RTN4RL1: variants seen among roughly 807,000 people sequenced by gnomAD.
RTN4RL1 encodes reticulon-4 receptor-like 1.
Under a neutral mutation model 25.6 loss-of-function variants are expected in RTN4RL1, and 7 were observed. The ratio of observed to expected loss-of-function variants is 0.27; its 90% CI spans 0.16 to 0.51. The LOEUF is 0.51. RTN4RL1 is among the 20% of genes least tolerant of loss of function. The pLI, the probability that RTN4RL1 is intolerant of heterozygous loss-of-function variation, is 0.97. For synonymous variants in RTN4RL1, 297 were observed against 288.2 expected (o/e 1.03, Z -0.31); for missense variants, 500 against 615.6 (o/e 0.81, Z 1.99).
At chr17:1,995,837 G>C (rs1258360164) in intron 1 of RTN4RL1, 4 of 152,280 alleles carry the variant, frequency 2.6e-5, no homozygotes, top group African/African-American at 9.6e-5. Context: ...CTCAAGCACG[G>C]AACAAGGCAT....
chr17:1,953,574 AT>A (rs201200529), intron 1 of RTN4RL1, among the ~76,000 whole-genome samples: 1,335 of 101,518 alleles, frequency 0.013, 69 homozygotes, highest in Admixed American at 0.096. Context: ...TAAAAAAAAA[AT>A]TTTTTTTTGA....
intron 1 of RTN4RL1, chr17:2,020,100 A>G (rs2067181524): frequency 6.6e-6 from 1 of 152,144 alleles, no homozygotes; most frequent in South Asian, 2.1e-4. Context: ...GCTCCTAAGG[A>G]GAGAAGCTGT....
intron 1 of RTN4RL1, among the ~76,000 whole-genome samples, chr17:2,021,697 G>A (rs1182274805): frequency 1.3e-5 from 2 of 151,642 alleles, no homozygotes; most frequent in Non-Finnish European, 2.9e-5. Flanking sequence ...TGGGATTACA[G>A]GCATGAACCA....
chr17:1,937,128 T>C lies in RTN4RL1; in HGVS notation c.694A>G (p.Ser232Gly), dbSNP rs1463694782. The C allele has an allele frequency of 6.2e-7, 1 of 1,610,932 alleles. No homozygotes were observed. Among genetic ancestry groups the C allele is most frequent in the Non-Finnish European group, 8.5e-7 (1 of 1,179,090 alleles). Residue 232 changes from serine to glycine, a missense_variant, in exon 2 of 2, where the codon AGC (serine) becomes GGC (glycine). This residue lies in a region of RTN4RL1 where 232 missense variants were observed against 341.1 expected (regional missense o/e 0.68). Transcript: ENST00000331238. The part of the protein sequence containing the change: ...RLTTLFLFNN[S>G]LSELQGECLA... ...CACTCACCCTGCAGCTCCGAGAGGCTGTTGTTGAAGAGGAAGAGGGTGGTC... is the reference window on the plus strand; with the variant it reads ...CACTCACCCTGCAGCTCCGAGAGGCCGTTGTTGAAGAGGAAGAGGGTGGTC...
intron 1 of RTN4RL1, among the ~76,000 whole-genome samples, chr17:1,983,392 C>T (rs1413255331): frequency 1.3e-5 from 2 of 152,126 alleles, no homozygotes; most frequent in Admixed American, 6.6e-5. Context: ...ATGACACCAG[C>T]GGGGGCCAAT....
At chr17:1,959,355 T>C (rs183763535) in intron 1 of RTN4RL1, among the ~76,000 whole-genome samples, 4 of 152,326 alleles carry the variant, frequency 2.6e-5, no homozygotes, top group Non-Finnish European at 4.4e-5. Flanking sequence ...CTGGACACAG[T>C]TGGCCCTCCC....
In RTN4RL1 at chr17:2,002,447, C is replaced by T. The variant is rs559054634; in HGVS notation, c.13+22406G>A. 0.01 allele frequency among the ~76,000 whole-genome samples: 1,558 copies of T among 149,724 alleles called. 61 individuals carry two copies. The East Asian group carries it at 0.12, about 11-fold the overall frequency. On this transcript the variant is annotated intron_variant, in intron 1 of 1. Coordinates refer to ENST00000331238, the MANE Select transcript of RTN4RL1 (RefSeq NM_178568.4). Reference sequence around the variant, plus strand: ...AGCTGGGACTACAGGCGCCCGCCACCTCGCCTGGCTAATTTTTTGTATTTT... The same window carrying T: ...AGCTGGGACTACAGGCGCCCGCCACTTCGCCTGGCTAATTTTTTGTATTTT...
chr17:1,949,317 C>G (rs1232071045), intron 1 of RTN4RL1, among the ~76,000 whole-genome samples: 4 of 149,990 alleles, frequency 2.7e-5, no homozygotes, highest in Non-Finnish European at 5.9e-5. Flanking sequence ...GGCTGGTCTC[C>G]AACTCCTGAC....
At chr17:1,999,227 C>G (rs1414187254) in intron 1 of RTN4RL1, among the ~76,000 whole-genome samples, 3 of 151,574 alleles carry the variant, frequency 2.0e-5, no homozygotes. Flanking sequence ...GCGGGCGGAT[C>G]ACGAGATCAA....
intron 1 of RTN4RL1, among the ~76,000 whole-genome samples, chr17:1,948,941 T>C (rs1298605364): frequency 2.0e-5 from 3 of 151,266 alleles, no homozygotes; most frequent in African/African-American, 7.3e-5. Flanking sequence ...TACAGGCACC[T>C]GCCACCACGC....
intron 1 of RTN4RL1, among the ~76,000 whole-genome samples, chr17:1,968,792 AAG>A (rs2066804760): frequency 6.6e-6 from 1 of 152,236 alleles, no homozygotes; most frequent in Non-Finnish European, 1.5e-5. Flanking sequence ...GGCACAGGCT[AAG>A]GGGATTGTCC....
chr17:1,936,097 CCTG>C lies in RTN4RL1; in HGVS notation c.*396_*398del, dbSNP rs1915297288. On this transcript the variant is annotated 3_prime_UTR_variant, in exon 2 of 2. Coordinates refer to ENST00000331238, the MANE Select transcript of RTN4RL1 (RefSeq NM_178568.4). Reference sequence around the variant, plus strand: ...GAGCCTCATTTGTTCTTCTCTGCGTCCTGCTTTCTCCAGGAACCACGGGGCCCT... The same window carrying C: ...GAGCCTCATTTGTTCTTCTCTGCGTCCTTTCTCCAGGAACCACGGGGCCCT... 3 of 1,017,816 alleles carry C rather than the reference CCTG, an allele frequency of 2.9e-6. No homozygotes were observed. The highest frequency in any genetic ancestry group is 3.5e-6 in the Non-Finnish European group (3 of 850,928). The allele number at this position is 1,017,816 out of a possible 1,614,324, so 63.0% of individuals were successfully genotyped here.
intron 1 of RTN4RL1, among the ~76,000 whole-genome samples, chr17:1,945,791 T>C (rs1313858242): frequency 6.6e-6 from 1 of 152,230 alleles, no homozygotes; most frequent in Non-Finnish European, 1.5e-5. Flanking sequence ...TGCTGTGTTC[T>C]CCGCAGTACC....
chr17:1,943,339 T>C (rs993737073), intron 1 of RTN4RL1, among the ~76,000 whole-genome samples: 1 of 152,232 alleles, frequency 6.6e-6, no homozygotes, highest in Non-Finnish European at 1.5e-5. Flanking sequence ...CACGAAGGGC[T>C]GGTTGGCCCT....
intron 1 of RTN4RL1, among the ~76,000 whole-genome samples, chr17:1,938,102 A>G (rs1231005547): frequency 6.6e-6 from 1 of 151,990 alleles, no homozygotes; most frequent in African/African-American, 2.4e-5. Context: ...CCCCAGCCCC[A>G]CCTGCTCCAG....
chr17:1,943,337 G>A (rs1392279926), intron 1 of RTN4RL1, among the ~76,000 whole-genome samples: 1 of 152,222 alleles, frequency 6.6e-6, no homozygotes, highest in Non-Finnish European at 1.5e-5. Flanking sequence ...TCCACGAAGG[G>A]CTGGTTGGCC....
At chr17:1,977,945 C>G (rs1259942453) in intron 1 of RTN4RL1, among the ~76,000 whole-genome samples, 1 of 149,708 alleles carries the variant, frequency 6.7e-6, no homozygotes, top group African/African-American at 2.5e-5. Context: ...GCACCCTGCA[C>G]CCTGGATCCT....
At chr17:2,012,699 A>G (rs2067065163) in intron 1 of RTN4RL1, among the ~76,000 whole-genome samples, 1 of 152,058 alleles carries the variant, frequency 6.6e-6, no homozygotes, top group Non-Finnish European at 1.5e-5. Context: ...CAACCTATGT[A>G]CAATCATTCA....
intron 1 of RTN4RL1, among the ~76,000 whole-genome samples, chr17:1,997,764 C>T (rs1490016958): frequency 6.6e-6 from 1 of 152,234 alleles, no homozygotes; most frequent in Non-Finnish European, 1.5e-5. Context: ...GGCTTTAAAC[C>T]ACTAGGACTC....
Sources: gnomAD v4.1 joint callset for allele counts (sites outside exome capture counted in the v4.1 genomes callset) on GRCh38, gnomAD v4.1.1 for gene constraint, gnomAD v4.1.1 regional missense constraint, MANE v1.5 for transcripts, NCBI Gene and HGNC (gene_info 2026-07-23, HGNC 2026-07-21) for gene names.